The following TMTC1 variants were observed in gnomAD, a reference collection of about 807,000 sequenced individuals.
TMTC1 encodes transmembrane O-mannosyltransferase targeting cadherins 1.
A neutral mutation model predicts 104.8 loss-of-function variants in TMTC1; 73 were observed. The observed-to-expected ratio is 0.70, with a 90% CI of 0.58 to 0.85. TMTC1 has a LOEUF of 0.85. TMTC1 is among the 40% of genes least tolerant of loss of function. The pLI is 0.00. For synonymous variants in TMTC1, 434 were observed against 428.7 expected (o/e 1.01, Z -0.15); for missense variants, 1,035 against 1,096.1 (o/e 0.94, Z 0.79).
intron 5 of TMTC1, among the ~76,000 whole-genome samples, chr12:29,698,680 G>A (rs753893195): frequency 6.6e-6 from 1 of 152,146 alleles, no homozygotes; most frequent in Non-Finnish European, 1.5e-5. Context: ...CTACATGCTT[G>A]CCTGGAACGT....
intron 5 of TMTC1, among the ~76,000 whole-genome samples, chr12:29,642,965 C>T (rs1938929894): frequency 6.6e-6 from 1 of 151,402 alleles, no homozygotes; most frequent in Admixed American, 6.6e-5. Context: ...ACAAAAAAAC[C>T]CATCAAAAAG....
intron 1 of TMTC1, among the ~76,000 whole-genome samples, chr12:29,770,492 G>A (rs1395037287): frequency 6.6e-6 from 1 of 152,092 alleles, no homozygotes; most frequent in Non-Finnish European, 1.5e-5. Context: ...CCATCTGTGG[G>A]GTTATAGAAA....
Position 29,783,671 on chromosome 12 carries a change from G to A in TMTC1, c.81C>T (p.Ala27=), listed in dbSNP as rs1433017392. The A allele has an allele frequency of 3.2e-5, 42 of 1,311,936 alleles. No homozygotes were observed. Among genetic ancestry groups the A allele is most frequent in the Admixed American group, 4.0e-5 (1 of 25,304 alleles). 81.3% of individuals were successfully genotyped at this position (1,311,936 alleles called of 1,614,324 possible). ...CCCCGGCCAGCAGCGCCGCGGCCCC[G>A]GCCGGCGCTAGCCCGCAGCCCCGCC... The part of the protein sequence containing the change: ...SRRRGCGLAP[A]GAAALLAGAS... Residue 27 remains alanine (A), a synonymous_variant, in exon 1 of 18, where the codon GCC becomes GCT. Coordinates refer to ENST00000539277, the MANE Select transcript of TMTC1 (RefSeq NM_001193451.2). The surrounding 1 kb of genome is among the most constrained non-coding windows in gnomAD (Gnocchi z 4.7).
chr12:29,527,155 A>G (rs1944371393), intron 11 of TMTC1, among the ~76,000 whole-genome samples: 1 of 152,224 alleles, frequency 6.6e-6, no homozygotes, highest in African/African-American at 2.4e-5. Context: ...ATCACAGGTC[A>G]CTGTAGAATA....
chr12:29,586,581 T>C (rs1288044451), intron 7 of TMTC1, among the ~76,000 whole-genome samples: 4 of 152,144 alleles, frequency 2.6e-5, no homozygotes. Flanking sequence ...TTGTCATAGA[T>C]AGCTCTTATT....
At position 29,767,942 on chromosome 12, in the gene TMTC1, C is replaced by A; in HGVS notation, c.436G>T (p.Val146Leu). ...TVFKNRGLAF[V>L]TALLFAVHPI... is the part of the protein sequence containing the mutation. ...TGTACAGCAAAAAGCAATGCCGTTA[C>A]AAAAGCAAGTCCACGATTCTTGAAG... The change falls in exon 2 of 18, where the codon GTA becomes TTA. Residue 146 changes from valine (V) to leucine (L), a missense_variant. Val to Leu is a conservative substitution (Grantham distance 32). Transcript: ENST00000539277. 6.2e-7 allele frequency: 1 copy of A among 1,613,866 alleles called. No homozygotes were observed. Among genetic ancestry groups the A allele is most frequent in the African/African-American group, 1.3e-5 (1 of 75,012 alleles).
chr12:29,767,632 G>A (rs10743672), intron 2 of TMTC1, among the ~76,000 whole-genome samples: 59,746 of 151,678 alleles, frequency 0.39, 12,252 homozygotes, highest in Admixed American at 0.54. Flanking sequence ...TCCAGGAGGT[G>A]CAAGAAAACC....
At chr12:29,536,942 T>C (rs1944662454) in intron 10 of TMTC1, among the ~76,000 whole-genome samples, 1 of 152,224 alleles carries the variant, frequency 6.6e-6, no homozygotes, top group African/African-American at 2.4e-5. Context: ...TTCATTTGGT[T>C]CTTCCCCCAG....
At chr12:29,616,563 G>A (rs950719761) in intron 6 of TMTC1, among the ~76,000 whole-genome samples, 56 of 151,710 alleles carry the variant, frequency 3.7e-4, no homozygotes, top group African/African-American at 1.3e-3. Flanking sequence ...AGCTACTCAG[G>A]AGGCTGAGGC....
intron 9 of TMTC1, chr12:29,569,113 T>C (rs946868299): frequency 2.8e-5 from 11 of 389,996 alleles, no homozygotes; most frequent in Non-Finnish European, 5.6e-5. Context: ...ACTGAATACG[T>C]GACCTTAGAT....
intron 9 of TMTC1, among the ~76,000 whole-genome samples, chr12:29,559,772 G>A (rs1212594553): frequency 2.0e-5 from 3 of 152,094 alleles, no homozygotes; most frequent in Admixed American, 6.5e-5. Context: ...GCTTATTCCC[G>A]GCAATACTAA....
At chr12:29,541,643 T>C (rs937735244) in intron 10 of TMTC1, among the ~76,000 whole-genome samples, 15 of 150,824 alleles carry the variant, frequency 9.9e-5, no homozygotes, top group East Asian at 5.8e-4. Flanking sequence ...ACCACAATAG[T>C]TTTTCACTGT....
At chr12:29,682,532 C>T (rs1446195087) in intron 5 of TMTC1, among the ~76,000 whole-genome samples, 1 of 152,110 alleles carries the variant, frequency 6.6e-6, no homozygotes, top group Non-Finnish European at 1.5e-5. Flanking sequence ...GTTAAACAAA[C>T]TATAGTACAT....
intron 5 of TMTC1, among the ~76,000 whole-genome samples, chr12:29,713,300 T>TACACACACACACAC (rs10574727): frequency 2.1e-4 from 28 of 134,484 alleles, no homozygotes; most frequent in East Asian, 9.0e-4. Flanking sequence ...CATAAACACA[T>TACACACACACACAC]ACACACACAC....
chr12:29,659,556 C>T (rs1939918988), intron 5 of TMTC1, among the ~76,000 whole-genome samples: 1 of 152,186 alleles, frequency 6.6e-6, no homozygotes, highest in Admixed American at 6.5e-5. Flanking sequence ...CTTAACTTTC[C>T]AGCCATCAGA....
rs1247943553 is a variant in TMTC1, at chr12:29,776,578, C to T, written c.302+6872G>A. On this transcript the variant is annotated intron_variant, in intron 1 of 17. Coordinates refer to ENST00000539277, the MANE Select transcript of TMTC1 (RefSeq NM_001193451.2). ...AAAAAATTAATTCATTTTTAATTGA[C>T]AAATAATATTCCTTCTTTCAATGAT... 2.0e-5 allele frequency among the ~76,000 whole-genome samples: 3 copies of T among 152,264 alleles called. No homozygotes were observed. The East Asian group carries it at 5.8e-4, about 29-fold the overall frequency.
intron 4 of TMTC1, 47 bp downstream of exon 4, chr12:29,755,662 T>C (rs373184144): frequency 6.5e-7 from 1 of 1,529,026 alleles, no homozygotes; most frequent in Non-Finnish European, 8.9e-7. Flanking sequence ...GTAATTTTTC[T>C]CTGCCCATGA....
intron 6 of TMTC1, among the ~76,000 whole-genome samples, chr12:29,607,746 C>A (rs542131559): frequency 6.6e-6 from 1 of 152,200 alleles, no homozygotes; most frequent in Admixed American, 6.5e-5. Context: ...CTTGGACAGG[C>A]AATATTATCC....
intron 10 of TMTC1, among the ~76,000 whole-genome samples, chr12:29,543,525 A>C (rs1468460425): frequency 6.6e-6 from 1 of 152,216 alleles, no homozygotes; most frequent in Non-Finnish European, 1.5e-5. Flanking sequence ...TGAACTTGGA[A>C]TGCTGGGCAG....
Sources: allele counts gnomAD v4.1 joint callset (sites outside exome capture counted in the v4.1 genomes callset), GRCh38; gene constraint gnomAD v4.1.1; non-coding constraint Gnocchi (gnomAD v3.1); transcripts MANE v1.5; gene names NCBI Gene and HGNC (gene_info 2026-07-23, HGNC 2026-07-21).